The following FGD6 variants were observed in gnomAD, a reference collection of about 807,000 sequenced individuals.
FGD6 encodes FYVE, RhoGEF and PH domain-containing protein 6.
Under a neutral mutation model 149.4 loss-of-function variants are expected in FGD6, and 90 were observed. The ratio of observed to expected loss-of-function variants is 0.60; its 90% CI spans 0.51 to 0.72. The LOEUF is 0.72. FGD6 is among the 30% of genes least tolerant of loss of function. FGD6 has a pLI of 0.00. For missense variants in FGD6, 1,437 were observed against 1,684.8 expected, an observed-to-expected ratio of 0.85 and a Z score of 2.57; for synonymous variants, 527 against 584.0, an observed-to-expected ratio of 0.90 and a Z score of 1.41.
intron 2 of FGD6, among the ~76,000 whole-genome samples, chr12:95,180,573 TC>T (rs1041441507): frequency 9.9e-5 from 15 of 151,856 alleles, no homozygotes; most frequent in Non-Finnish European, 1.5e-4. Context: ...TCGTATTTTT[TC>T]TTTTGTAGAG....
At chr12:95,092,927 G>C in intron 15 of FGD6, 82 bp from the exon 16 acceptor site, 1 of 1,477,956 alleles carries the variant, frequency 6.8e-7, no homozygotes, top group Admixed American at 2.0e-5. Context: ...ACACTACCAA[G>C]ATGGGGATGA....
At position 95,091,768 on chromosome 12, in the gene FGD6, A is replaced by G. The variant is rs149632197; in HGVS notation, c.3789T>C (p.Asp1263=). 7 of 1,613,538 alleles carry G rather than the reference A, an allele frequency of 4.3e-6. No homozygotes were observed. The African/African-American group carries it at 8.0e-5, about 18-fold the overall frequency. ...CTCTTGCTGGTTGATTTTTCAGGTAATCTAAGCCATACTTATTAGACGAAC... is the reference window on the plus strand; with the variant it reads ...CTCTTGCTGGTTGATTTTTCAGGTAGTCTAAGCCATACTTATTAGACGAAC... ...QACSSNKYGL[D]YLKNQPARVC... Residue 1263 remains aspartate (D), a synonymous_variant, in exon 17 of 21, where the codon GAT becomes GAC. Coordinates refer to ENST00000343958, the MANE Select transcript of FGD6 (RefSeq NM_018351.4).
intron 1 of FGD6, among the ~76,000 whole-genome samples, chr12:95,214,755 G>A (rs1404608925): frequency 6.6e-6 from 1 of 151,950 alleles, no homozygotes; most frequent in Non-Finnish European, 1.5e-5. Flanking sequence ...CTGGCTACTG[G>A]ACCAGCCAAA....
chr12:95,091,086 C>T (rs1878040453), intron 17 of FGD6, among the ~76,000 whole-genome samples: 1 of 152,066 alleles, frequency 6.6e-6, no homozygotes, highest in Non-Finnish European at 1.5e-5. Flanking sequence ...GTGCAAGACC[C>T]CATCTCAAAA....
intron 5 of FGD6, among the ~76,000 whole-genome samples, chr12:95,150,913 G>C (rs947065918): frequency 1.3e-5 from 2 of 152,060 alleles, no homozygotes; most frequent in African/African-American, 4.8e-5. Flanking sequence ...TGGGCAACAT[G>C]GCTAAAACCC....
At chr12:95,107,746 C>A in intron 11 of FGD6, 115 bp from the exon 12 acceptor site, 1 of 1,023,462 alleles carries the variant, frequency 9.8e-7, no homozygotes, top group South Asian at 1.4e-5. Context: ...TGGGGAGCCA[C>A]AGTTTCCTTG....
At position 95,208,909 on chromosome 12, in the gene FGD6, T is replaced by C. The variant is rs767642741; in HGVS notation, c.2375A>G (p.Glu792Gly). The change falls in exon 2 of 21, where the codon GAG (glutamate) becomes GGG (glycine). Residue 792 changes from glutamate (E) to glycine (G), a missense_variant. Around this residue, in one of 2 missense-constraint regions of FGD6, gnomAD observed 1,055 missense variants for 1,146.0 expected, o/e 0.92. Coordinates refer to ENST00000343958, the MANE Select transcript of FGD6 (RefSeq NM_018351.4). The part of the protein sequence containing the change: ...SMEDADANVY[E>G]VEEPYEAPDG... ...TGGAGCTTCATACGGCTCTTCTACC[T>C]CATACACATTTGCATCAGCGTCCTC... is the stretch of plus-strand genomic sequence containing the variant. The C allele has an allele frequency of 5.0e-6, 8 of 1,614,028 alleles. No homozygotes were observed. The highest frequency in any genetic ancestry group is 6.8e-6 in the Non-Finnish European group (8 of 1,180,026).
intron 6 of FGD6, among the ~76,000 whole-genome samples, chr12:95,139,308 G>A (rs1041581932): frequency 2.0e-4 from 30 of 151,764 alleles, no homozygotes; most frequent in Non-Finnish European, 4.3e-4. Flanking sequence ...GGCGTGGTGG[G>A]GCACACCTGC....
intron 8 of FGD6, among the ~76,000 whole-genome samples, chr12:95,127,741 A>C (rs952810309): frequency 2.0e-5 from 3 of 152,246 alleles, no homozygotes; most frequent in Admixed American, 1.3e-4. Flanking sequence ...GACAACGAGA[A>C]AAAGTAATAT....
intron 2 of FGD6, among the ~76,000 whole-genome samples, chr12:95,194,488 GCT>G (rs1457009825): frequency 6.6e-6 from 1 of 152,276 alleles, no homozygotes; most frequent in African/African-American, 2.4e-5. Context: ...GCCCACCTCA[GCT>G]TCCCAAAGTG....
chr12:95,192,966 T>C (rs748399311), intron 2 of FGD6, among the ~76,000 whole-genome samples: 5 of 121,390 alleles, frequency 4.1e-5, no homozygotes, highest in Non-Finnish European at 6.8e-5. Flanking sequence ...CCTGTCAGCA[T>C]TGCTAAAATA....
intron 3 of FGD6, among the ~76,000 whole-genome samples, chr12:95,165,069 T>G (rs573092794): frequency 6.6e-6 from 1 of 152,080 alleles, no homozygotes; most frequent in Non-Finnish European, 1.5e-5. Context: ...ATTTAAGCCC[T>G]GAAAGGAAAG....
intron 2 of FGD6, among the ~76,000 whole-genome samples, chr12:95,207,231 G>C (rs892829484): frequency 2.0e-5 from 3 of 152,070 alleles, no homozygotes; most frequent in Non-Finnish European, 4.4e-5. Flanking sequence ...ACTTCTCCTT[G>C]CTGCCCCCAT....
Position 95,209,115 on chromosome 12 carries a change from A to C in FGD6, c.2169T>G (p.Asp723Glu). The change falls in exon 2 of 21, where the codon GAT (aspartate) becomes GAG (glutamate). Residue 723 changes from aspartate (D) to glutamate (E), a missense_variant. Physicochemically the swap from Asp to Glu is conservative, Grantham distance 45. Transcript: ENST00000343958. ...AANGLRAESLDDQMLSRESSS... is the reference protein window; with the variant it reads ...AANGLRAESLEDQMLSRESSS... Reference sequence around the variant, plus strand: ...ATGACTCCCGGGAGAGCATTTGGTCATCCAAAGACTCAGCTCTCAGACCAT... The same window carrying C: ...ATGACTCCCGGGAGAGCATTTGGTCCTCCAAAGACTCAGCTCTCAGACCAT... The C allele has an allele frequency of 1.2e-6, 2 of 1,614,170 alleles. No homozygotes were observed. Among genetic ancestry groups the C allele is most frequent in the Non-Finnish European group, 1.7e-6 (2 of 1,180,026 alleles).
chr12:95,077,964 T>C lies in FGD6; in HGVS notation c.*3556A>G, dbSNP rs1054472809. On this transcript the variant is annotated 3_prime_UTR_variant, in exon 21 of 21. Coordinates refer to ENST00000343958, the MANE Select transcript of FGD6 (RefSeq NM_018351.4). ...AGTAGGTCTAAGGTCCAGGTTATAA[T>C]GTGGATATTTTCAGGCTGTGTTGGA... The C allele has an allele frequency of 1.2e-4, 18 of 152,320 alleles. No individual in the cohort carries two copies. Among genetic ancestry groups the C allele is most frequent in the African/African-American group, 4.1e-4 (17 of 41,554 alleles). The allele number at this position is 152,320 out of a possible 1,614,324, so 9.4% of individuals were successfully genotyped here.
intron 3 of FGD6, among the ~76,000 whole-genome samples, chr12:95,154,530 A>T (rs1310441970): frequency 6.6e-6 from 1 of 152,218 alleles, no homozygotes; most frequent in Non-Finnish European, 1.5e-5. Context: ...CAAAAAGAGT[A>T]AATAAGGAAC....
At chr12:95,100,874 A>G in intron 14 of FGD6, 1 of 383,526 alleles carries the variant, frequency 2.6e-6, no homozygotes, top group East Asian at 6.7e-5. Flanking sequence ...TTGGAAGAAA[A>G]GGGAATGGGT....
rs2056721476 is a variant in FGD6, at chr12:95,210,678, G to A, written c.606C>T (p.Pro202=). The change falls in exon 2 of 21, where the codon CCC becomes CCT. Residue 202 remains proline (P), a synonymous_variant. Transcript: ENST00000343958. Reference sequence around the variant, plus strand: ...CACCATTCATTTCTGGGCTGTCTGTGGGCCTGTGCTTCTGTGCAGAAATAA... The same window carrying A: ...CACCATTCATTTCTGGGCTGTCTGTAGGCCTGTGCTTCTGTGCAGAAATAA... The part of the protein sequence containing the change: ...PPFISAQKHR[P]TDSPEMNGGC... The A allele has an allele frequency of 1.2e-6, 2 of 1,613,926 alleles. No individual in the cohort carries two copies. The highest frequency in any genetic ancestry group is 2.7e-5 in the African/African-American group (2 of 74,898).
At position 95,084,648 on chromosome 12, in the gene FGD6, TA is replaced by T. The variant is rs766514488; in HGVS notation, c.4108-3del. 1.9e-6 allele frequency: 3 copies of T among 1,568,508 alleles called. No individual in the cohort carries two copies. The African/African-American group carries it at 4.2e-5, about 22-fold the overall frequency. ...CTGACTCTCCAAAGCGGCCACGTCC[TA>T]ATTTAAAAACATACAAATGGAGAAA... On this transcript the variant is annotated splice_region_variant and splice_polypyrimidine_tract_variant and intron_variant, in intron 19 of 20. Coordinates refer to ENST00000343958, the MANE Select transcript of FGD6 (RefSeq NM_018351.4).
Sources: gnomAD v4.1 joint callset for allele counts (sites outside exome capture counted in the v4.1 genomes callset) on GRCh38, gnomAD v4.1.1 for gene constraint, gnomAD v4.1.1 regional missense constraint, MANE v1.5 for transcripts, NCBI Gene and HGNC (gene_info 2026-07-23, HGNC 2026-07-21) for gene names.